COLEC10: variants seen among roughly 807,000 people sequenced by gnomAD.
The protein encoded by COLEC10 is collectin-10.
A neutral mutation model predicts 28.4 loss-of-function variants in COLEC10; 22 were observed. The ratio of observed to expected loss-of-function variants is 0.78; its 90% CI spans 0.55 to 1.11. The LOEUF is 1.11. Ranked by LOEUF, COLEC10 falls within the 50% of genes least tolerant of loss-of-function variation. The pLI is 0.00. For synonymous variants in COLEC10, 125 were observed against 116.1 expected, an observed-to-expected ratio of 1.08 and a Z score of -0.49; for missense variants, 361 against 344.1, an observed-to-expected ratio of 1.05 and a Z score of -0.39.
At chr8:119,072,824 C>A (rs1338240170) in intron 1 of COLEC10, among the ~76,000 whole-genome samples, 1 of 152,200 alleles carries the variant, frequency 6.6e-6, no homozygotes, top group Non-Finnish European at 1.5e-5. Context: ...ACAGCACTCA[C>A]CCCTATCCTC....
chr8:119,003,853 A>G (rs1423909070), intron 1 of COLEC10, among the ~76,000 whole-genome samples: 3 of 152,088 alleles, frequency 2.0e-5, no homozygotes, highest in Non-Finnish European at 4.4e-5. Context: ...ACGCAAGTTG[A>G]TAAGGTCCAG....
At chr8:118,956,467 G>A in the COLEC10 span, among the ~76,000 whole-genome samples, 1 of 152,164 alleles carries the variant, frequency 6.6e-6, no homozygotes, top group African/African-American at 2.4e-5. Flanking sequence ...AAGGAAAAAT[G>A]ACCTCAGCAG....
intron 3 of COLEC10, among the ~76,000 whole-genome samples, chr8:119,099,554 T>C (rs1815782256): frequency 6.6e-6 from 1 of 150,578 alleles, no homozygotes; most frequent in Admixed American, 6.6e-5. Flanking sequence ...ATTCAAACCC[T>C]GGTTTTGGGG....
chr8:118,952,816 C>T, the COLEC10 span, among the ~76,000 whole-genome samples: 4 of 152,340 alleles, frequency 2.6e-5, no homozygotes, highest in South Asian at 4.1e-4. Context: ...CTCTAGGGTT[C>T]GCTGTCTCCC....
the COLEC10 span, among the ~76,000 whole-genome samples, chr8:118,970,787 A>G: frequency 1.3e-5 from 2 of 152,002 alleles, no homozygotes; most frequent in African/African-American, 4.8e-5. Context: ...TACTATAATT[A>G]TGTCCATTTT....
the COLEC10 span, among the ~76,000 whole-genome samples, chr8:118,985,774 G>A: frequency 6.6e-6 from 1 of 152,092 alleles, no homozygotes; most frequent in African/African-American, 2.4e-5. Context: ...AGAGTCAAAA[G>A]CATAGCTCCA....
intron 1 of COLEC10, among the ~76,000 whole-genome samples, chr8:119,078,535 G>A (rs147438650): frequency 2.0e-5 from 3 of 152,292 alleles, no homozygotes; most frequent in African/African-American, 4.8e-5. Context: ...GGGAGATTAC[G>A]AGTTCTTAAT....
intron 2 of COLEC10, among the ~76,000 whole-genome samples, chr8:119,049,523 T>A (rs988325788): frequency 7.0e-6 from 1 of 142,922 alleles, no homozygotes; most frequent in African/African-American, 2.6e-5. Context: ...CACGCCATTC[T>A]CCTGCCCCAG....
chr8:119,065,236 G>A (rs562261190), upstream of COLEC10, among the ~76,000 whole-genome samples: 5 of 152,186 alleles, frequency 3.3e-5, no homozygotes, highest in South Asian at 6.2e-4. Context: ...GTGAGCCTGC[G>A]AAGTTTCATC....
At chr8:119,094,766 A>T (rs1164910239) in intron 3 of COLEC10, among the ~76,000 whole-genome samples, 2 of 152,118 alleles carry the variant, frequency 1.3e-5, no homozygotes, top group African/African-American at 4.8e-5. Flanking sequence ...CAGAAATACT[A>T]CTCCAGAAAA....
the COLEC10 span, among the ~76,000 whole-genome samples, chr8:118,973,963 T>G: frequency 6.6e-6 from 1 of 152,062 alleles, no homozygotes; most frequent in African/African-American, 2.4e-5. Flanking sequence ...TTCTTATTCC[T>G]CAAACCCACC....
intron 1 of COLEC10, among the ~76,000 whole-genome samples, chr8:119,069,605 C>CAAAAA (rs138362458): frequency 0.028 from 246 of 8,706 alleles, 63 homozygotes; most frequent in Non-Finnish European, 0.054. Flanking sequence ...GACCCCATCT[C>CAAAAA]AAAAAAAAAA....
At chr8:119,026,683 C>T (rs532161696) in intron 2 of COLEC10, among the ~76,000 whole-genome samples, 2 of 152,166 alleles carry the variant, frequency 1.3e-5, no homozygotes, top group African/African-American at 4.8e-5. Flanking sequence ...CTAAATAGTG[C>T]TGTTGAGATC....
At chr8:119,017,462 G>A (rs1348959470) in intron 2 of COLEC10, among the ~76,000 whole-genome samples, 1 of 152,138 alleles carries the variant, frequency 6.6e-6, no homozygotes, top group African/African-American at 2.4e-5. Context: ...TATTGATGGT[G>A]CTTGAAGAAT....
intron 2 of COLEC10, among the ~76,000 whole-genome samples, chr8:119,013,617 T>C (rs1432370396): frequency 1.3e-5 from 2 of 150,908 alleles, no homozygotes; most frequent in Non-Finnish European, 2.9e-5. Flanking sequence ...CAATTTCTTC[T>C]TGATGTTTTA....
chr8:119,102,299 T>TGTTTTATTTTA, intron 3 of COLEC10, 49 bp from the exon 4 acceptor site: 1 of 1,206,028 alleles, frequency 8.3e-7, no homozygotes, highest in Non-Finnish European at 1.2e-6. Context: ...TTTCCTTTCT[T>TGTTTTATTTTA]CTTTTATTTT....
chr8:119,098,973 G>A (rs1412433817), intron 3 of COLEC10, among the ~76,000 whole-genome samples: 1 of 152,038 alleles, frequency 6.6e-6, no homozygotes, highest in East Asian at 1.9e-4. Flanking sequence ...TGGCCTTAAT[G>A]TTGTCACTTG....
At chr8:118,956,014 A>C in the COLEC10 span, among the ~76,000 whole-genome samples, 1 of 152,222 alleles carries the variant, frequency 6.6e-6, no homozygotes. Flanking sequence ...TATTTCTCAC[A>C]GTTTTGGAGG....
intron 2 of COLEC10, among the ~76,000 whole-genome samples, chr8:119,055,052 A>T (rs1380168191): frequency 6.6e-6 from 1 of 152,144 alleles, no homozygotes; most frequent in Non-Finnish European, 1.5e-5. Context: ...GAAACAGATT[A>T]TTTATTAGGC....
Sources: allele counts gnomAD v4.1 joint callset (sites outside exome capture counted in the v4.1 genomes callset), GRCh38; gene constraint gnomAD v4.1.1; transcripts MANE v1.5; gene names NCBI Gene and HGNC (gene_info 2026-07-23, HGNC 2026-07-21).